The following ZMIZ1 variants were observed in gnomAD, a reference collection of about 807,000 sequenced individuals.
ZMIZ1 encodes the protein zinc finger MIZ-type containing 1.
A neutral mutation model predicts 113.9 loss-of-function variants in ZMIZ1; 17 were observed. The ratio of observed to expected loss-of-function variants is 0.15; its 90% confidence interval spans 0.10 to 0.22. The LOEUF (loss-of-function observed/expected upper bound fraction) is 0.22. Ranked by LOEUF, ZMIZ1 falls within the 10% of genes least tolerant of loss-of-function variation. The pLI, the probability that ZMIZ1 is intolerant of heterozygous loss-of-function variation, is 1.00. For synonymous variants in ZMIZ1, 607 were observed against 603.1 expected, an observed-to-expected ratio of 1.01 and a Z score of -0.09; for missense variants, 1,059 against 1,477.8, an observed-to-expected ratio of 0.72 and a Z score of 4.65.
At chr10:79,084,676 ACAGG>A (rs1271392466) in intron 1 of ZMIZ1, among the ~76,000 whole-genome samples, 1 of 152,202 alleles carries the variant, frequency 6.6e-6, no homozygotes, top group African/African-American at 2.4e-5. Context: ...CCGTATGAAC[ACAGG>A]CAGGTCCTTT....
intron 7 of ZMIZ1, among the ~76,000 whole-genome samples, chr10:79,265,119 G>A (rs547111074): frequency 3.9e-5 from 6 of 152,276 alleles, no homozygotes; most frequent in South Asian, 2.1e-4. Flanking sequence ...CACACGCCTC[G>A]AGGCTCCCAG....
chr10:79,247,221 G>A (rs1182167467), intron 7 of ZMIZ1, among the ~76,000 whole-genome samples: 2 of 152,350 alleles, frequency 1.3e-5, no homozygotes, highest in South Asian at 2.1e-4. Flanking sequence ...TGAGGGATGC[G>A]AGGACCTTTG....
chr10:79,250,323 T>G (rs1850469997), intron 7 of ZMIZ1, among the ~76,000 whole-genome samples: 1 of 152,204 alleles, frequency 6.6e-6, no homozygotes. Context: ...TGCTGTGCCC[T>G]GTGGAGGGTG....
Position 79,298,587 on chromosome 10 carries a change from GCCCT to G in ZMIZ1, c.1666+17_1666+20del, listed in dbSNP as rs747994347. 1.3e-6 allele frequency: 2 copies of G among 1,591,426 alleles called. No homozygotes were observed. Among genetic ancestry groups the G allele is most frequent in the Admixed American group, 1.8e-5 (1 of 54,092 alleles). On this transcript the variant is annotated splice_region_variant and intron_variant, in intron 15 of 24. Transcript: ENST00000334512. ...GCTCTGCCACCACCCCCAGGTGAGG[GCCCT>G]CCCTCCCTCTCTTGGCAGCTCCACC...
At chr10:79,074,709 T>C (rs1394407152) in intron 1 of ZMIZ1, among the ~76,000 whole-genome samples, 2 of 152,260 alleles carry the variant, frequency 1.3e-5, no homozygotes, top group African/African-American at 4.8e-5. Flanking sequence ...CCTTAGGTTC[T>C]TTCTGCCCCT....
chr10:79,193,665 G>T (rs948712973), intron 4 of ZMIZ1, among the ~76,000 whole-genome samples: 2 of 152,192 alleles, frequency 1.3e-5, no homozygotes, highest in Non-Finnish European at 2.9e-5. Flanking sequence ...TGCTACGATG[G>T]GGGTGTGTGA....
At chr10:79,114,763 C>T (rs1843949241) in intron 1 of ZMIZ1, among the ~76,000 whole-genome samples, 1 of 152,062 alleles carries the variant, frequency 6.6e-6, no homozygotes, top group Admixed American at 6.6e-5. Context: ...GAGAATCTCC[C>T]CTCCCCCTGA....
At chr10:79,189,842 C>T (rs1184126954) in intron 4 of ZMIZ1, among the ~76,000 whole-genome samples, 2 of 152,206 alleles carry the variant, frequency 1.3e-5, no homozygotes, top group African/African-American at 4.8e-5. Context: ...GTGGGGTGTC[C>T]AGCGTGTGCT....
chr10:79,173,494 T>C (rs1382497132), intron 4 of ZMIZ1, among the ~76,000 whole-genome samples: 1 of 151,936 alleles, frequency 6.6e-6, no homozygotes, highest in Non-Finnish European at 1.5e-5. Flanking sequence ...CAGAGGACAG[T>C]GGACAGTGGG....
At chr10:79,104,989 G>A (rs1843504047) in intron 1 of ZMIZ1, among the ~76,000 whole-genome samples, 1 of 149,194 alleles carries the variant, frequency 6.7e-6, no homozygotes, top group African/African-American at 2.5e-5. Flanking sequence ...GTGTGTGTGT[G>A]TGTGTCTTAA....
At chr10:79,282,585 G>A (rs1469387253) in intron 8 of ZMIZ1, among the ~76,000 whole-genome samples, 1 of 152,232 alleles carries the variant, frequency 6.6e-6, no homozygotes, top group African/African-American at 2.4e-5. Flanking sequence ...GCATGAGGCT[G>A]TGAGTCAGGG....
intron 4 of ZMIZ1, among the ~76,000 whole-genome samples, chr10:79,168,491 A>G (rs891507013): frequency 6.6e-6 from 1 of 152,164 alleles, no homozygotes; most frequent in African/African-American, 2.4e-5. Flanking sequence ...CCATGTCCCC[A>G]GCACAGTCCC....
At position 79,178,771 on chromosome 10, in the gene ZMIZ1, T is replaced by C. The variant is rs1221804216; in HGVS notation, c.-50+16638T>C. Among the ~76,000 whole-genome samples, 6 of 152,196 alleles carry C rather than the reference T, an allele frequency of 3.9e-5. No homozygotes were observed. The East Asian group carries it at 9.7e-4, about 25-fold the overall frequency. On this transcript the variant is annotated intron_variant, in intron 4 of 24. Coordinates refer to ENST00000334512, the MANE Select transcript of ZMIZ1 (RefSeq NM_020338.4). Reference sequence around the variant, plus strand: ...AGAGGGCCACTGGTCTCCAAGGTGATTGAATTATTGTGGGGGAGACAGGCC... The same window carrying C: ...AGAGGGCCACTGGTCTCCAAGGTGACTGAATTATTGTGGGGGAGACAGGCC...
chr10:79,219,282 A>G (rs716303), intron 7 of ZMIZ1, among the ~76,000 whole-genome samples: 11,857 of 152,244 alleles, frequency 0.078, 1,152 homozygotes, highest in African/African-American at 0.23. Flanking sequence ...GTCCCTCCAC[A>G]AAGGGTCACT....
At chr10:79,189,389 A>T (rs1379082031) in intron 4 of ZMIZ1, among the ~76,000 whole-genome samples, 1 of 152,310 alleles carries the variant, frequency 6.6e-6, no homozygotes, top group Middle Eastern at 3.4e-3. Flanking sequence ...GATGGAGCCG[A>T]TAAGACCCAC....
At chr10:79,221,404 C>G (rs951771027) in intron 7 of ZMIZ1, among the ~76,000 whole-genome samples, 4 of 152,256 alleles carry the variant, frequency 2.6e-5, no homozygotes, top group Non-Finnish European at 5.9e-5. Context: ...TCTGGCGCAG[C>G]CTTTAGCCTC....
rs147393853 is a variant in ZMIZ1 at position 79,314,108 on chromosome 10, C to A, written c.*1359C>A. 2.2e-6 allele frequency: 1 copy of A among 456,972 alleles called. No homozygotes were observed. Among genetic ancestry groups the A allele is most frequent in the Admixed American group, 2.3e-5 (1 of 42,590 alleles). The allele number at this position is 456,972 out of a possible 1,614,324, so 28.3% of individuals were successfully genotyped here. On this transcript the variant is annotated 3_prime_UTR_variant, in exon 25 of 25. Coordinates refer to ENST00000334512, the MANE Select transcript of ZMIZ1 (RefSeq NM_020338.4). ...CACCATCACAATCTCACCCAAACTCCTGCTCACTCAAGCAAAAGCAGCCTC... is the reference window on the plus strand; with the variant it reads ...CACCATCACAATCTCACCCAAACTCATGCTCACTCAAGCAAAAGCAGCCTC...
intron 7 of ZMIZ1, among the ~76,000 whole-genome samples, chr10:79,228,942 A>G (rs1849292689): frequency 6.6e-6 from 1 of 152,262 alleles, no homozygotes; most frequent in Admixed American, 6.5e-5. Context: ...AGTATGTAGC[A>G]TAAACTGCCA....
chr10:79,180,854 C>G (rs7904399), intron 4 of ZMIZ1, among the ~76,000 whole-genome samples: 47,773 of 152,176 alleles, frequency 0.31, 8,384 homozygotes, highest in East Asian at 0.49. Context: ...CAAGCCCGGT[C>G]TTCGGGGCCA....
Sources: allele counts gnomAD v4.1 joint callset (sites outside exome capture counted in the v4.1 genomes callset), GRCh38; gene constraint gnomAD v4.1.1; transcripts MANE v1.5; gene names NCBI Gene and HGNC (gene_info 2026-07-23, HGNC 2026-07-21).